ROBO1: variants seen among roughly 807,000 people sequenced by gnomAD.
The protein encoded by ROBO1 is roundabout guidance receptor 1, also known as roundabout homolog 1.
A neutral mutation model predicts 195.9 loss-of-function variants in ROBO1; 149 were observed. The ratio of observed to expected loss-of-function variants is 0.76; its 90% CI spans 0.67 to 0.87. The LOEUF is 0.87. Among genes scored for constraint, ROBO1 ranks in the 40% least tolerant of loss-of-function variants. The probability of loss-of-function intolerance (pLI) is 0.00; values close to 1 mark genes in which losing one functional copy is unlikely to be tolerated. For synonymous variants in ROBO1, 816 were observed against 733.2 expected, an observed-to-expected ratio of 1.11 and a Z score of -1.82; for missense variants, 1,933 against 2,068.3, an observed-to-expected ratio of 0.93 and a Z score of 1.27.
chr3:79,091,802 G>A (rs2079484618), intron 3 of ROBO1, among the ~76,000 whole-genome samples: 2 of 152,094 alleles, frequency 1.3e-5, no homozygotes, highest in Admixed American at 6.6e-5. Flanking sequence ...CCCCAGAAGA[G>A]AACATGACTG....
chr3:79,743,937 C>A (rs1249325870), intron 1 of ROBO1, among the ~76,000 whole-genome samples: 5 of 152,108 alleles, frequency 3.3e-5, no homozygotes, highest in Admixed American at 2.0e-4. Flanking sequence ...GAAGGGCCTG[C>A]CTCAGGCTGT....
rs144810444 is a variant in ROBO1, at chr3:79,000,095, T to C, written c.173-61168A>G. ...GACCTACCTGAGACTGGGTAACTTA[T>C]AAAGGAAAGAGGTTTAATGGATTCA... On this transcript the variant is annotated intron_variant, in intron 3 of 30. Coordinates refer to ENST00000464233, the MANE Select transcript of ROBO1 (RefSeq NM_002941.4). 3.3e-3 allele frequency among the ~76,000 whole-genome samples: 497 copies of C among 152,130 alleles called. 1 individual carries two copies. The highest frequency in any genetic ancestry group is 0.011 in the African/African-American group (468 of 41,522).
At chr3:78,850,404 TAAC>T (rs1462688402) in intron 4 of ROBO1, among the ~76,000 whole-genome samples, 1 of 152,174 alleles carries the variant, frequency 6.6e-6, no homozygotes, top group Non-Finnish European at 1.5e-5. Context: ...TAAAACCAGA[TAAC>T]AAGTTTAATA....
intron 4 of ROBO1, among the ~76,000 whole-genome samples, chr3:78,874,885 T>C (rs947993417): frequency 4.6e-5 from 7 of 151,964 alleles, no homozygotes; most frequent in Non-Finnish European, 7.4e-5. Context: ...CTCTATTCTA[T>C]TTATTTATTA....
At chr3:78,680,311 CA>C (rs1198100991) in intron 10 of ROBO1, among the ~76,000 whole-genome samples, 2 of 152,098 alleles carry the variant, frequency 1.3e-5, no homozygotes, top group East Asian at 3.9e-4. Flanking sequence ...GCAATGGCAA[CA>C]AAAGTCAAAA....
intron 1 of ROBO1, among the ~76,000 whole-genome samples, chr3:79,630,383 A>C (rs375607338): frequency 2.9e-4 from 44 of 152,118 alleles, no homozygotes; most frequent in Middle Eastern, 3.2e-3. Context: ...AGAATTAAAA[A>C]CAAAAGCCAT....
At chr3:79,648,299 G>T (rs1945894721) in intron 1 of ROBO1, among the ~76,000 whole-genome samples, 1 of 152,016 alleles carries the variant, frequency 6.6e-6, no homozygotes, top group Admixed American at 6.6e-5. Context: ...ATTAGATCGT[G>T]CATAATCCCT....
At chr3:78,728,894 G>A (rs1397459769) in intron 5 of ROBO1, among the ~76,000 whole-genome samples, 1 of 152,172 alleles carries the variant, frequency 6.6e-6, no homozygotes, top group East Asian at 1.9e-4. Context: ...CGTTTCATTT[G>A]TTTCCTGGTA....
At chr3:79,556,003 C>A (rs1263138176) in intron 2 of ROBO1, among the ~76,000 whole-genome samples, 1 of 152,016 alleles carries the variant, frequency 6.6e-6, no homozygotes, top group Non-Finnish European at 1.5e-5. Context: ...TTATATAATT[C>A]TCTAAGAATT....
At chr3:78,997,003 C>A (rs2077383424) in intron 3 of ROBO1, among the ~76,000 whole-genome samples, 1 of 152,130 alleles carries the variant, frequency 6.6e-6, no homozygotes, top group Non-Finnish European at 1.5e-5. Flanking sequence ...GAACACCTGG[C>A]AATGTCTGGA....
chr3:79,388,386 C>A (rs1224386464), intron 2 of ROBO1, among the ~76,000 whole-genome samples: 2 of 152,094 alleles, frequency 1.3e-5, no homozygotes, highest in Non-Finnish European at 2.9e-5. Context: ...TCTCTCCCAC[C>A]TCCTGTAATC....
At chr3:79,082,897 C>A (rs1009316851) in intron 3 of ROBO1, among the ~76,000 whole-genome samples, 3 of 152,056 alleles carry the variant, frequency 2.0e-5, no homozygotes, top group Non-Finnish European at 4.4e-5. Flanking sequence ...ATTTTTAGCT[C>A]CCTAGGAACG....
At chr3:79,019,887 A>G (rs2078062984) in intron 3 of ROBO1, among the ~76,000 whole-genome samples, 1 of 152,126 alleles carries the variant, frequency 6.6e-6, no homozygotes, top group Non-Finnish European at 1.5e-5. Flanking sequence ...TTTGAGCAAC[A>G]TGGCTTTAGG....
chr3:79,107,614 T>TTGGG (rs1018476995), intron 3 of ROBO1, among the ~76,000 whole-genome samples: 2 of 151,660 alleles, frequency 1.3e-5, no homozygotes, highest in African/African-American at 4.8e-5. Context: ...TATTAAAATG[T>TTGGG]TGGGTGTTGA....
intron 3 of ROBO1, among the ~76,000 whole-genome samples, chr3:78,996,738 T>C (rs1311141476): frequency 6.6e-6 from 1 of 152,008 alleles, no homozygotes; most frequent in African/African-American, 2.4e-5. Context: ...ACACCCCTTT[T>C]GAACTTCAGG....
intron 2 of ROBO1, among the ~76,000 whole-genome samples, chr3:79,384,468 G>T (rs908534987): frequency 1.3e-5 from 2 of 151,902 alleles, no homozygotes; most frequent in East Asian, 1.9e-4. Context: ...ATGGATTAAA[G>T]AATAACTATA....
intron 2 of ROBO1, among the ~76,000 whole-genome samples, chr3:79,489,374 G>A (rs992803064): frequency 6.6e-6 from 1 of 152,048 alleles, no homozygotes; most frequent in Non-Finnish European, 1.5e-5. Flanking sequence ...GGTAATTATT[G>A]GCCAGGCGCA....
chr3:78,669,190 T>C (rs192829476), intron 11 of ROBO1, among the ~76,000 whole-genome samples: 55 of 152,332 alleles, frequency 3.6e-4, no homozygotes, highest in African/African-American at 1.1e-3. Flanking sequence ...ATGTTCAACT[T>C]TGAAATCAGC....
intron 3 of ROBO1, among the ~76,000 whole-genome samples, chr3:79,111,930 C>T (rs1249453964): frequency 1.3e-5 from 2 of 152,108 alleles, no homozygotes; most frequent in African/African-American, 4.8e-5. Flanking sequence ...TTATCAAGCA[C>T]TTGACATGTG....
Sources: gnomAD v4.1 joint callset for allele counts (sites outside exome capture counted in the v4.1 genomes callset) on GRCh38, gnomAD v4.1.1 for gene constraint, MANE v1.5 for transcripts, NCBI Gene and HGNC (gene_info 2026-07-23, HGNC 2026-07-21) for gene names.